Variants in EPHA6 observed in about 807,000 individuals in gnomAD.
EPHA6 encodes ephrin type-A receptor 6.
EPHA6 carries 50 observed loss-of-function variants against 112.0 expected under a neutral mutation model. That is an observed-to-expected ratio of 0.45 (90% CI 0.36 to 0.56). EPHA6 has a LOEUF of 0.56. Ranked by LOEUF, EPHA6 falls within the 20% of genes least tolerant of loss-of-function variation. The pLI is 0.00. For synonymous variants in EPHA6, 529 were observed against 490.7 expected, an observed-to-expected ratio of 1.08 and a Z score of -1.03; for missense variants, 1,280 against 1,417.4, an observed-to-expected ratio of 0.90 and a Z score of 1.56.
chr3:97,594,337 C>T (rs1208519952), intron 12 of EPHA6, among the ~76,000 whole-genome samples: 1 of 152,208 alleles, frequency 6.6e-6, no homozygotes, highest in Non-Finnish European at 1.5e-5. Flanking sequence ...TCTAAAAGAA[C>T]ATTCTAGCAC....
intron 3 of EPHA6, among the ~76,000 whole-genome samples, chr3:97,078,305 G>C (rs1190911534): frequency 6.6e-6 from 1 of 152,054 alleles, no homozygotes; most frequent in Non-Finnish European, 1.5e-5. Context: ...CCCTTTTTCA[G>C]ATGGGTAGAT....
At chr3:97,438,559 C>T (rs1050686928) in intron 6 of EPHA6, among the ~76,000 whole-genome samples, 5 of 151,972 alleles carry the variant, frequency 3.3e-5, no homozygotes, top group African/African-American at 1.2e-4. Context: ...TTTTTTAATT[C>T]AATCATTTGG....
rs2034471689 is a variant in EPHA6, at chr3:97,720,357, T to A, written c.2881T>A (p.Trp961Arg). 1 of 1,611,216 alleles carries A rather than the reference T, an allele frequency of 6.2e-7. No homozygotes were observed. The highest frequency in any genetic ancestry group is 8.5e-7 in the Non-Finnish European group (1 of 1,178,834). Residue 961 changes from tryptophan to arginine, a missense_variant, in exon 15 of 18, where the codon TGG (tryptophan) becomes AGG (arginine). Physicochemically the swap from Trp to Arg is moderately radical, Grantham distance 101. This residue lies in a region of EPHA6 where 37 missense variants were observed against 92.9 expected (regional missense o/e 0.40). Transcript: ENST00000389672. ...TGCATGGAGCTATGGCATTGTCATGTGGGAGGTCATGTCCTATGGAGAGAG... is the reference window on the plus strand; with the variant it reads ...TGCATGGAGCTATGGCATTGTCATGAGGGAGGTCATGTCCTATGGAGAGAG... Reference protein sequence around the residue: ...SDAWSYGIVMWEVMSYGERPY... With the variant: ...SDAWSYGIVMREVMSYGERPY...
rs1179818795 is a variant in EPHA6, at chr3:97,754,962, C to A, written c.*6261C>A. On this transcript the variant is annotated 3_prime_UTR_variant, in exon 18 of 18. Coordinates refer to ENST00000389672, the MANE Select transcript of EPHA6 (RefSeq NM_001080448.3). Reference sequence around the variant, plus strand: ...TGGTGATCCAACCGCCTCGGCCTCCCAAAGTGGTGGGATTACAGGCGTGAG... The same window carrying A: ...TGGTGATCCAACCGCCTCGGCCTCCAAAAGTGGTGGGATTACAGGCGTGAG... Among the ~76,000 whole-genome samples the A allele has an allele frequency of 6.6e-6, 1 of 152,162 alleles. No individual in the cohort carries two copies.
chr3:96,969,911 A>C (rs2042252739), intron 2 of EPHA6, among the ~76,000 whole-genome samples: 1 of 152,078 alleles, frequency 6.6e-6, no homozygotes, highest in Non-Finnish European at 1.5e-5. Context: ...ATCAATGTAC[A>C]TTAACATGTC....
intron 7 of EPHA6, among the ~76,000 whole-genome samples, chr3:97,468,540 G>C (rs768712271): frequency 6.6e-6 from 1 of 151,266 alleles, no homozygotes; most frequent in African/African-American, 2.4e-5. Flanking sequence ...AAAGATATCA[G>C]TATAATACTA....
intron 10 of EPHA6, among the ~76,000 whole-genome samples, chr3:97,511,957 A>T (rs2092371961): frequency 6.6e-6 from 1 of 152,134 alleles, no homozygotes; most frequent in Non-Finnish European, 1.5e-5. Flanking sequence ...TCCTAGAAGG[A>T]TATATAATAA....
intron 5 of EPHA6, among the ~76,000 whole-genome samples, chr3:97,290,928 T>C (rs1028782741): frequency 4.6e-5 from 7 of 152,116 alleles, no homozygotes; most frequent in African/African-American, 1.7e-4. Context: ...TCTAACCATT[T>C]AGGGTTTAAT....
At chr3:97,497,334 A>T (rs1231786750) in intron 10 of EPHA6, among the ~76,000 whole-genome samples, 1 of 152,152 alleles carries the variant, frequency 6.6e-6, no homozygotes, top group African/African-American at 2.4e-5. Flanking sequence ...TGCACCTGGT[A>T]TTCTGTCTAA....
intron 12 of EPHA6, among the ~76,000 whole-genome samples, chr3:97,598,043 G>A (rs1180433147): frequency 6.6e-6 from 1 of 152,056 alleles, no homozygotes; most frequent in Non-Finnish European, 1.5e-5. Flanking sequence ...TTTTAAATAT[G>A]ATCAAATTGC....
At chr3:97,538,198 A>T (rs1406727971) in intron 11 of EPHA6, among the ~76,000 whole-genome samples, 4 of 152,182 alleles carry the variant, frequency 2.6e-5, no homozygotes, top group Admixed American at 6.5e-5. Context: ...TCCAAGTAAA[A>T]AATAAGGAGA....
intron 1 of EPHA6, among the ~76,000 whole-genome samples, chr3:96,836,210 G>T (rs958594920): frequency 1.3e-5 from 2 of 151,888 alleles, no homozygotes; most frequent in African/African-American, 4.8e-5. Context: ...TAACTATCTG[G>T]CAAAATTATT....
At chr3:97,017,505 G>A (rs1047385852) in intron 3 of EPHA6, among the ~76,000 whole-genome samples, 1 of 152,108 alleles carries the variant, frequency 6.6e-6, no homozygotes, top group Non-Finnish European at 1.5e-5. Flanking sequence ...GTGCTTGGGG[G>A]CCCCAAATAA....
intron 3 of EPHA6, among the ~76,000 whole-genome samples, chr3:97,030,077 G>A (rs781754187): frequency 6.6e-6 from 1 of 152,096 alleles, no homozygotes; most frequent in Non-Finnish European, 1.5e-5. Context: ...TATTCTAGTA[G>A]TTTTGAATCT....
intron 1 of EPHA6, among the ~76,000 whole-genome samples, chr3:96,846,363 G>A (rs968716589): frequency 1.3e-5 from 2 of 151,992 alleles, no homozygotes; most frequent in Admixed American, 6.6e-5. Flanking sequence ...TGCAGATTAC[G>A]TGTTTCCACC....
chr3:97,111,165 G>A (rs1377039924), intron 3 of EPHA6, among the ~76,000 whole-genome samples: 1 of 152,106 alleles, frequency 6.6e-6, no homozygotes, highest in Non-Finnish European at 1.5e-5. Flanking sequence ...TTTTCATCAT[G>A]TACAGACTTA....
intron 5 of EPHA6, among the ~76,000 whole-genome samples, chr3:97,303,916 C>G (rs2081201707): frequency 6.6e-6 from 1 of 151,862 alleles, no homozygotes; most frequent in African/African-American, 2.4e-5. Flanking sequence ...CTCTTATTTC[C>G]TTGAGCAGTG....
chr3:96,832,377 A>G (rs985802329), intron 1 of EPHA6, among the ~76,000 whole-genome samples: 8 of 152,166 alleles, frequency 5.3e-5, no homozygotes, highest in African/African-American at 1.7e-4. Flanking sequence ...TAAAGTCCCA[A>G]TAGAATAGCA....
intron 2 of EPHA6, among the ~76,000 whole-genome samples, chr3:96,949,613 G>A (rs902862442): frequency 6.6e-6 from 1 of 151,978 alleles, no homozygotes; most frequent in African/African-American, 2.4e-5. Flanking sequence ...GATTACAATG[G>A]GTAATAAATG....
Sources: gnomAD v4.1 joint callset for allele counts (sites outside exome capture counted in the v4.1 genomes callset) on GRCh38, gnomAD v4.1.1 for gene constraint, gnomAD v4.1.1 regional missense constraint, MANE v1.5 for transcripts, NCBI Gene and HGNC (gene_info 2026-07-23, HGNC 2026-07-21) for gene names.